PARD3: variants seen among roughly 807,000 people sequenced by gnomAD.
PARD3 encodes par-3 family cell polarity regulator.
A neutral mutation model predicts 155.4 loss-of-function variants in PARD3; 75 were observed. The observed-to-expected ratio is 0.48, with a 90% CI of 0.40 to 0.58. PARD3 has a LOEUF of 0.58. PARD3 is among the 20% of genes least tolerant of loss of function. The pLI is 0.00. For synonymous variants in PARD3, 576 were observed against 610.5 expected (o/e 0.94, Z 0.83); for missense variants, 1,642 against 1,721.7 (o/e 0.95, Z 0.82).
chr10:34,789,219 G>C (rs11009934), intron 1 of PARD3, among the ~76,000 whole-genome samples: 3,286 of 152,260 alleles, frequency 0.022, 119 homozygotes, highest in African/African-American at 0.076. Context: ...TGGAGCCCAG[G>C]AGGCCGAGGC....
chr10:34,200,787 C>T (rs1430160825), intron 22 of PARD3, among the ~76,000 whole-genome samples: 1 of 152,240 alleles, frequency 6.6e-6, no homozygotes, highest in African/African-American at 2.4e-5. Context: ...GGAACAAAAG[C>T]TCACATGCAG....
At chr10:34,328,132 A>T (rs542759494) in intron 19 of PARD3, among the ~76,000 whole-genome samples, 5 of 152,336 alleles carry the variant, frequency 3.3e-5, no homozygotes, top group Admixed American at 3.3e-4. Flanking sequence ...CACCAGCAGT[A>T]ACACCACATT....
chr10:34,795,449 TAAATTCA>T (rs1268618608), intron 1 of PARD3, among the ~76,000 whole-genome samples: 1 of 151,580 alleles, frequency 6.6e-6, no homozygotes, highest in Non-Finnish European at 1.5e-5. Context: ...TATCTCTACA[TAAATTCA>T]AAAATTAGCC....
chr10:34,555,646 T>G (rs2084919870), intron 2 of PARD3, among the ~76,000 whole-genome samples: 1 of 152,214 alleles, frequency 6.6e-6, no homozygotes, highest in African/African-American at 2.4e-5. Context: ...TTATTTTTCT[T>G]ACACCCTCAA....
intron 15 of PARD3, chr10:34,345,386 A>T (rs770342826): frequency 4.7e-4 from 467 of 985,162 alleles, no homozygotes; most frequent in Non-Finnish European, 5.5e-4. Flanking sequence ...TGAAAATTCA[A>T]CCTGTTAACA....
intron 2 of PARD3, among the ~76,000 whole-genome samples, chr10:34,689,487 CAAAT>C (rs2094010884): frequency 6.6e-6 from 1 of 151,992 alleles, no homozygotes; most frequent in East Asian, 1.9e-4. Context: ...TATTTCTGAA[CAAAT>C]AAAAAACGGC....
chr10:34,304,729 G>A (rs1957319894), intron 20 of PARD3, among the ~76,000 whole-genome samples: 1 of 152,140 alleles, frequency 6.6e-6, no homozygotes. Flanking sequence ...CATAAAACAG[G>A]GCTAAAATTA....
At chr10:34,457,042 G>A (rs1467073885) in intron 4 of PARD3, among the ~76,000 whole-genome samples, 1 of 152,148 alleles carries the variant, frequency 6.6e-6, no homozygotes, top group Non-Finnish European at 1.5e-5. Flanking sequence ...AACCCTTCAA[G>A]TTGATACACT....
chr10:34,684,826 CACACATATATACACACACACAT>C (rs1313575609), intron 2 of PARD3, among the ~76,000 whole-genome samples: 14 of 90,440 alleles, frequency 1.5e-4, no homozygotes, highest in African/African-American at 5.3e-4. Context: ...CACACACACA[CACACATATATACACACACACAT>C]ATATATACAT....
At chr10:34,553,764 A>G (rs768976325) in intron 2 of PARD3, among the ~76,000 whole-genome samples, 2 of 152,242 alleles carry the variant, frequency 1.3e-5, no homozygotes, top group Non-Finnish European at 2.9e-5. Flanking sequence ...AATTAGCTCA[A>G]CACATAAATA....
At chr10:34,170,954 C>T (rs1305326890) in intron 22 of PARD3, among the ~76,000 whole-genome samples, 2 of 152,168 alleles carry the variant, frequency 1.3e-5, no homozygotes, top group Non-Finnish European at 2.9e-5. Context: ...TTACCAATGG[C>T]TACTCAGAGC....
intron 3 of PARD3, among the ~76,000 whole-genome samples, chr10:34,497,474 C>A (rs2080372155): frequency 6.6e-6 from 1 of 152,168 alleles, no homozygotes; most frequent in Admixed American, 6.5e-5. Context: ...AACCAACCCC[C>A]AAGCGATACT....
intron 3 of PARD3, among the ~76,000 whole-genome samples, chr10:34,482,160 A>G (rs2079125932): frequency 6.9e-6 from 1 of 144,380 alleles, no homozygotes; most frequent in Non-Finnish European, 1.5e-5. Context: ...TCAGCCTCCC[A>G]TGTAGCTGGA....
chr10:34,778,932 T>A (rs1240230229), intron 1 of PARD3, among the ~76,000 whole-genome samples: 1 of 152,238 alleles, frequency 6.6e-6, no homozygotes, highest in Non-Finnish European at 1.5e-5. Flanking sequence ...AGATTCTGAC[T>A]TAGAAAAATC....
chr10:34,352,655 T>C (rs191569603), intron 14 of PARD3, among the ~76,000 whole-genome samples: 2 of 152,214 alleles, frequency 1.3e-5, no homozygotes, highest in Non-Finnish European at 2.9e-5. Context: ...TGCTCAATCT[T>C]GCCCAGGCTG....
At chr10:34,160,118 C>T (rs1016046383) in intron 22 of PARD3, among the ~76,000 whole-genome samples, 6 of 152,144 alleles carry the variant, frequency 3.9e-5, no homozygotes, top group African/African-American at 1.2e-4. Context: ...ACAATCAGTT[C>T]CTTATGTCTT....
chr10:34,598,978 G>T (rs967097328), intron 2 of PARD3, among the ~76,000 whole-genome samples: 5 of 152,030 alleles, frequency 3.3e-5, no homozygotes, highest in Non-Finnish European at 5.9e-5. Flanking sequence ...CTCTGCCAGT[G>T]TGGATACCTC....
At chr10:34,634,697 G>C (rs566620972) in intron 2 of PARD3, among the ~76,000 whole-genome samples, 6 of 152,210 alleles carry the variant, frequency 3.9e-5, no homozygotes, top group Non-Finnish European at 5.9e-5. Context: ...ATGAAACATG[G>C]AGACAGCTTT....
At chr10:34,357,933 G>A (rs1311782692) in intron 14 of PARD3, among the ~76,000 whole-genome samples, 1 of 152,180 alleles carries the variant, frequency 6.6e-6, no homozygotes, top group Non-Finnish European at 1.5e-5. Context: ...GTTCAGATGA[G>A]TGGTCACTGC....
Sources: allele counts gnomAD v4.1 joint callset (sites outside exome capture counted in the v4.1 genomes callset), GRCh38; gene constraint gnomAD v4.1.1; transcripts MANE v1.5; gene names NCBI Gene and HGNC (gene_info 2026-07-23, HGNC 2026-07-21).